GRAMD1B: variants seen among roughly 807,000 people sequenced by gnomAD.
GRAMD1B encodes protein Aster-B.
GRAMD1B carries 37 observed loss-of-function variants against 99.7 expected under a neutral mutation model. That is an observed-to-expected ratio of 0.37 (90% CI 0.29 to 0.49). The LOEUF is 0.49. Among genes scored for constraint, GRAMD1B ranks in the 20% least tolerant of loss-of-function variants. GRAMD1B has a pLI of 0.98. For missense variants in GRAMD1B, 888 were observed against 1,009.2 expected (o/e 0.88, Z 1.63); for synonymous variants, 427 against 387.6 (o/e 1.10, Z -1.19).
At chr11:123,381,939 C>G (rs1355690247) in intron 1 of GRAMD1B, among the ~76,000 whole-genome samples, 2 of 152,164 alleles carry the variant, frequency 1.3e-5, no homozygotes, top group African/African-American at 2.4e-5. Context: ...ACCTACTGCT[C>G]TGTTTACCCA....
In GRAMD1B at chr11:123,363,531, G is replaced by A. The variant is rs1027530080; in HGVS notation, c.-176+4732G>A. Among the ~76,000 whole-genome samples the A allele has an allele frequency of 5.3e-5, 8 of 152,172 alleles. No individual in the cohort carries two copies. In the East Asian group the frequency reaches 1.5e-3, roughly 29 times the overall value. ...AAGAACCCCAGTTAACTGAATTCTG[G>A]TGGAGCTTAGCATTTCCCCTCTCAT... On this transcript the variant is annotated intron_variant, in intron 1 of 20. Transcript: ENST00000638157.
chr11:123,435,750 A>C lies in GRAMD1B; in HGVS notation c.374+4584A>C, dbSNP rs186768628. ...ATTCTTTTATTCATGAGTGTGGGAA[A>C]ATTTCCAAAAGGAGATGAGTACAGA... On this transcript the variant is annotated intron_variant, in intron 1 of 19. Coordinates refer to ENST00000635736, the MANE Select transcript of GRAMD1B (RefSeq NM_001387025.1). The C allele has an allele frequency of 7.3e-4, 248 of 339,664 alleles. 6 individuals are homozygous for C. In the East Asian group the frequency reaches 0.011, roughly 15 times the overall value. The allele number at this position is 339,664 out of a possible 1,614,324, so 21.0% of individuals were successfully genotyped here. A position where few individuals can be genotyped will look rare whatever the true frequency, so the allele number is the denominator to read the frequency against.
intron 4 of GRAMD1B, among the ~76,000 whole-genome samples, chr11:123,584,678 C>T (rs1195273619): frequency 6.6e-6 from 1 of 152,046 alleles, no homozygotes; most frequent in Non-Finnish European, 1.5e-5. Context: ...AGCCTGGGGG[C>T]CTGAACTTAG....
chr11:123,519,669 C>A (rs1013737189), intron 2 of GRAMD1B, among the ~76,000 whole-genome samples: 1 of 152,200 alleles, frequency 6.6e-6, no homozygotes, highest in Admixed American at 6.5e-5. Context: ...CTGCTGCACT[C>A]CTGCTCCTGG....
chr11:123,399,124 A>G (rs78768632), intron 1 of GRAMD1B, among the ~76,000 whole-genome samples: 48 of 152,272 alleles, frequency 3.2e-4, no homozygotes, highest in African/African-American at 1.1e-3. Flanking sequence ...ACAACATTCT[A>G]TTCTCTGTTA....
At chr11:123,359,059 C>T (rs529878606) in intron 1 of GRAMD1B, among the ~76,000 whole-genome samples, 1 of 152,182 alleles carries the variant, frequency 6.6e-6, no homozygotes, top group South Asian at 2.1e-4. Context: ...GATAGATTAT[C>T]TCCTCCATGA....
chr11:123,503,838 C>A (rs1942592307), intron 2 of GRAMD1B, among the ~76,000 whole-genome samples: 1 of 152,114 alleles, frequency 6.6e-6, no homozygotes, highest in African/African-American at 2.4e-5. Flanking sequence ...TTAGCCACCA[C>A]CCCCAGCCAA....
intron 1 of GRAMD1B, among the ~76,000 whole-genome samples, chr11:123,415,064 CT>C (rs1322243550): frequency 1.0e-5 from 1 of 95,464 alleles, no homozygotes; most frequent in African/African-American, 3.6e-5. Context: ...GCTGCCTTTT[CT>C]TTTTTTTCTT....
chr11:123,359,169 C>T (rs866007331), intron 1 of GRAMD1B, among the ~76,000 whole-genome samples: 4 of 152,078 alleles, frequency 2.6e-5, no homozygotes, highest in Middle Eastern at 3.2e-3. Context: ...TGGAGATTGC[C>T]TCTCCTCCTC....
At position 123,604,579 on chromosome 11, in the gene GRAMD1B, C is replaced by T. The variant is rs1042342120; in HGVS notation, c.1167-743C>T. ...TACAGGGAAAAAAGCAAGAAAAGAA[C>T]ATTGAATGTCTGTTGTGCTTAGGTC... On this transcript the variant is annotated intron_variant, in intron 9 of 19. Transcript: ENST00000635736. Among the ~76,000 whole-genome samples the T allele has an allele frequency of 2.0e-5, 3 of 152,326 alleles. No homozygotes were observed. The East Asian group carries it at 5.8e-4, about 29-fold the overall frequency.
intron 1 of GRAMD1B, among the ~76,000 whole-genome samples, chr11:123,390,766 A>G (rs568318179): frequency 3.3e-5 from 5 of 152,176 alleles, no homozygotes; most frequent in Admixed American, 6.5e-5. Flanking sequence ...GCAGACTGGT[A>G]TGCCACTTTT....
intron 8 of GRAMD1B, 137 bp from the exon 9 acceptor site, chr11:123,603,289 G>C: frequency 1.6e-6 from 1 of 630,818 alleles, no homozygotes; most frequent in Non-Finnish European, 2.9e-6. Context: ...AGATGGGGGT[G>C]GTGGCTCGCC....
intron 1 of GRAMD1B, chr11:123,459,975 T>G (rs1181637606): frequency 6.6e-6 from 1 of 152,226 alleles, no homozygotes; most frequent in Non-Finnish European, 1.5e-5. Flanking sequence ...TTTTATGTCC[T>G]TGTCCTCACC....
chr11:123,529,769 A>G (rs1943163452), intron 2 of GRAMD1B, among the ~76,000 whole-genome samples: 1 of 152,156 alleles, frequency 6.6e-6, no homozygotes. Flanking sequence ...TGGAACCTCA[A>G]ACACTAAGAA....
At chr11:123,535,686 TATATC>T (rs140013656) in intron 2 of GRAMD1B, among the ~76,000 whole-genome samples, 2,955 of 152,250 alleles carry the variant, frequency 0.019, 84 homozygotes, top group African/African-American at 0.064. Flanking sequence ...AATTGTGAAA[TATATC>T]ATGCATACAC....
Position 123,577,554 on chromosome 11 carries a change from C to T in GRAMD1B, c.640C>T (p.Arg214Trp), listed in dbSNP as rs750564920. The change falls in exon 3 of 20, where the codon CGG (arginine) becomes TGG (tryptophan). Residue 214 changes from arginine (R) to tryptophan (W), a missense_variant. Arg to Trp is a moderately radical substitution (Grantham distance 101, BLOSUM62 -3). Around this residue, in one of 5 missense-constraint regions of GRAMD1B, gnomAD observed 62 missense variants for 139.4 expected, o/e 0.44. Coordinates refer to ENST00000635736, the MANE Select transcript of GRAMD1B (RefSeq NM_001387025.1). ...GCGCAGCTGCTCCTCCCAGTCCGGCCGGAGCGGCGGCAAGAATTCCAAGGT... is the reference window on the plus strand; with the variant it reads ...GCGCAGCTGCTCCTCCCAGTCCGGCTGGAGCGGCGGCAAGAATTCCAAGGT... ...VQRSCSSQSG[R>W]SGGKNSKKSQ... is the part of the protein sequence containing the mutation. The T allele has an allele frequency of 1.3e-6, 2 of 1,589,884 alleles. No homozygotes were observed. Among genetic ancestry groups the T allele is most frequent in the Non-Finnish European group, 1.7e-6 (2 of 1,168,576 alleles).
intron 1 of GRAMD1B, among the ~76,000 whole-genome samples, chr11:123,424,593 A>G (rs968086964): frequency 1.3e-5 from 2 of 152,056 alleles, no homozygotes; most frequent in African/African-American, 2.4e-5. Flanking sequence ...TATTTTCAAA[A>G]CCTCTTTGTG....
intron 1 of GRAMD1B, chr11:123,458,644 A>G (rs2134455440): frequency 6.6e-6 from 1 of 152,038 alleles, no homozygotes; most frequent in East Asian, 1.9e-4. Flanking sequence ...TTTTTGATTT[A>G]TAGGATGAAC....
At chr11:123,475,937 C>T (rs1951244825) in intron 1 of GRAMD1B, among the ~76,000 whole-genome samples, 1 of 152,068 alleles carries the variant, frequency 6.6e-6, no homozygotes, top group African/African-American at 2.4e-5. Context: ...GCGTGAGTTG[C>T]CTGGGGTCCA....
Sources: allele counts gnomAD v4.1 joint callset (sites outside exome capture counted in the v4.1 genomes callset), GRCh38; gene constraint gnomAD v4.1.1; regional missense constraint gnomAD v4.1.1; transcripts MANE v1.5; gene names NCBI Gene and HGNC (gene_info 2026-07-23, HGNC 2026-07-21).